PDK1: variants seen among roughly 807,000 people sequenced by gnomAD.
The protein encoded by PDK1 is pyruvate dehydrogenase kinase 1.
PDK1 carries 39 observed loss-of-function variants against 54.2 expected under a neutral mutation model. That is an observed-to-expected ratio of 0.72 (90% CI 0.56 to 0.94). The LOEUF (loss-of-function observed/expected upper bound fraction) is 0.94, where lower values mean the gene tolerates loss of function less well. PDK1 is among the 40% of genes least tolerant of loss of function. The probability of loss-of-function intolerance (pLI) is 0.00; values close to 1 mark genes in which losing one functional copy is unlikely to be tolerated. For synonymous variants in PDK1, 221 were observed against 207.1 expected, an observed-to-expected ratio of 1.07 and a Z score of -0.58; for missense variants, 552 against 566.0, an observed-to-expected ratio of 0.98 and a Z score of 0.25.
At chr2:172,585,316 A>ATTTTTTTT (rs538241255) in intron 8 of PDK1, among the ~76,000 whole-genome samples, 7 of 103,302 alleles carry the variant, frequency 6.8e-5, no homozygotes, top group African/African-American at 1.8e-4. Context: ...TGCATTTTTA[A>ATTTTTTTT]TTTTTTTTTT....
chr2:172,658,433 C>T, the PDK1 span, among the ~76,000 whole-genome samples: 6 of 152,196 alleles, frequency 3.9e-5, no homozygotes, highest in South Asian at 2.1e-4. Context: ...GTTAACTGTA[C>T]AAATTGATTG....
At chr2:172,699,651 C>A in the PDK1 span, among the ~76,000 whole-genome samples, 1,205 of 152,146 alleles carry the variant, frequency 7.9e-3, 19 homozygotes, top group African/African-American at 0.028. Flanking sequence ...TAGCACTTGG[C>A]ACAGAATAGA....
intron 8 of PDK1, among the ~76,000 whole-genome samples, chr2:172,582,983 TAC>T: frequency 6.6e-6 from 1 of 152,232 alleles, no homozygotes; most frequent in Admixed American, 6.5e-5. Context: ...AGGTTGTTGT[TAC>T]AGTCTCCGTG....
At chr2:172,684,405 G>C in the PDK1 span, among the ~76,000 whole-genome samples, 2 of 152,100 alleles carry the variant, frequency 1.3e-5, no homozygotes, top group Non-Finnish European at 2.9e-5. Flanking sequence ...CTGGGCAACA[G>C]AGTGAGACCC....
At chr2:172,574,678 A>G (rs1353283340) in intron 8 of PDK1, among the ~76,000 whole-genome samples, 1 of 152,068 alleles carries the variant, frequency 6.6e-6, no homozygotes, top group Non-Finnish European at 1.5e-5. Flanking sequence ...ATTATTTTTG[A>G]TGCTATTGTA....
At chr2:172,702,900 CT>C in the PDK1 span, among the ~76,000 whole-genome samples, 4 of 152,148 alleles carry the variant, frequency 2.6e-5, no homozygotes, top group African/African-American at 9.7e-5. Context: ...TTTATTCCAT[CT>C]CATTGTAGAC....
the PDK1 span, among the ~76,000 whole-genome samples, chr2:172,649,675 G>T: frequency 6.6e-6 from 1 of 152,290 alleles, no homozygotes; most frequent in Middle Eastern, 3.4e-3. Flanking sequence ...CATGGCATGA[G>T]AACTACGTGA....
At chr2:172,558,043 T>C (rs2149181914) in intron 1 of PDK1, 1 of 152,408 alleles carries the variant, frequency 6.6e-6, no homozygotes, top group South Asian at 2.1e-4. Flanking sequence ...TTGCCCAGGC[T>C]GGTCCTGAAC....
intron 8 of PDK1, among the ~76,000 whole-genome samples, chr2:172,580,077 A>T (rs975475820): frequency 1.2e-4 from 18 of 150,562 alleles, no homozygotes; most frequent in African/African-American, 3.7e-4. Flanking sequence ...TAAGGATATT[A>T]TTTTTTTTTA....
downstream of PDK1, among the ~76,000 whole-genome samples, chr2:172,613,434 C>T (rs1477356585): frequency 3.9e-5 from 6 of 152,140 alleles, no homozygotes; most frequent in Non-Finnish European, 7.4e-5. Flanking sequence ...AATCCTTATC[C>T]TTATTTGACC....
At chr2:172,556,027 G>A (rs1574451463), upstream of PDK1, 6 of 671,666 alleles carry the variant, frequency 8.9e-6, no homozygotes, top group South Asian at 3.3e-5. Flanking sequence ...GGCTAGGAGG[G>A]TGGGGGCCGC....
At chr2:172,579,255 G>A (rs1689746866) in intron 8 of PDK1, among the ~76,000 whole-genome samples, 3 of 152,130 alleles carry the variant, frequency 2.0e-5, no homozygotes, top group Admixed American at 6.5e-5. Context: ...GGGGTGGGGT[G>A]CAAGACTTTT....
chr2:172,585,602 A>G (rs1409156285), intron 8 of PDK1, among the ~76,000 whole-genome samples: 2 of 152,092 alleles, frequency 1.3e-5, no homozygotes, highest in Non-Finnish European at 2.9e-5. Context: ...CTGGGATTAC[A>G]GGTGTGCATG....
chr2:172,570,772 AC>A lies in PDK1; in HGVS notation c.899del (p.Pro300LeufsTer13). 1 of 1,611,992 alleles carries A rather than the reference AC, an allele frequency of 6.2e-7. No individual in the cohort carries two copies. On this transcript the variant is annotated frameshift_variant, in exon 8 of 11. Coordinates refer to ENST00000282077, the MANE Select transcript of PDK1 (RefSeq NM_002610.5). LOFTEE classifies it high-confidence loss of function. ...GAACACCATGCCAACAGAGGTGTTT[AC>A]CCCCCTATTCAAGTTCATGTCACGC... ...TMEHHANRGV[Y>X]PPIQVHVTLG...
chr2:172,659,167 TAA>T, the PDK1 span, among the ~76,000 whole-genome samples: 1 of 152,146 alleles, frequency 6.6e-6, no homozygotes, highest in South Asian at 2.1e-4. Flanking sequence ...AGCCCAGCTG[TAA>T]AATTCCACTC....
At chr2:172,651,513 A>G in the PDK1 span, among the ~76,000 whole-genome samples, 7 of 152,352 alleles carry the variant, frequency 4.6e-5, no homozygotes, top group African/African-American at 1.7e-4. Flanking sequence ...AAACCCTTCA[A>G]AAAATCAATG....
chr2:172,640,168 C>T, the PDK1 span, among the ~76,000 whole-genome samples: 1 of 152,130 alleles, frequency 6.6e-6, no homozygotes, highest in Non-Finnish European at 1.5e-5. Context: ...TGTCTTTAAA[C>T]TTTATCCTGT....
chr2:172,656,111 T>A, the PDK1 span, among the ~76,000 whole-genome samples: 1 of 152,320 alleles, frequency 6.6e-6, no homozygotes, highest in East Asian at 1.9e-4. Flanking sequence ...TCCATTTTTC[T>A]CTCTTTAAGA....
At chr2:172,670,145 C>G in the PDK1 span, among the ~76,000 whole-genome samples, 33 of 152,152 alleles carry the variant, frequency 2.2e-4, no homozygotes, top group Admixed American at 2.0e-4. Context: ...CTTCACCTCC[C>G]GGGCTCAAGT....
Sources: allele counts gnomAD v4.1 joint callset (sites outside exome capture counted in the v4.1 genomes callset), GRCh38; gene constraint gnomAD v4.1.1; transcripts MANE v1.5; gene names NCBI Gene and HGNC (gene_info 2026-07-23, HGNC 2026-07-21).